Variants in ACAT1 observed in about 807,000 individuals in gnomAD.
ACAT1 encodes acetyl-CoA acetyltransferase 1, also known as acetyl-CoA acetyltransferase, mitochondrial.
In ACAT1, 28 loss-of-function variants were observed where a neutral mutation model predicts 47.3. The ratio of observed to expected loss-of-function variants is 0.59; its 90% CI spans 0.44 to 0.81. The LOEUF (loss-of-function observed/expected upper bound fraction) is 0.81. Among genes scored for constraint, ACAT1 ranks in the 30% least tolerant of loss-of-function variants. The pLI, the probability that ACAT1 is intolerant of heterozygous loss-of-function variation, is 0.00. For synonymous variants in ACAT1, 181 were observed against 173.6 expected, an observed-to-expected ratio of 1.04 and a Z score of -0.34; for missense variants, 469 against 524.3, an observed-to-expected ratio of 0.89 and a Z score of 1.03.
intron 7 of ACAT1, among the ~76,000 whole-genome samples, chr11:108,140,497 G>T (rs568572803): frequency 7.2e-5 from 11 of 152,304 alleles, no homozygotes; most frequent in African/African-American, 2.6e-4. Context: ...GGATTTACTA[G>T]AAGGTTACCG....
Position 108,121,643 on chromosome 11 carries a change from C to T in ACAT1, c.37C>T (p.Arg13Cys). ...VLAALLRSGA[R>C]SRSPLLRRLV... ...GGCGGCACTTCTGCGCAGCGGCGCC[C>T]GCAGCCGCAGCCCCCTGCTCCGGAG... The change falls in exon 1 of 12, where the codon CGC (arginine) becomes TGC (cysteine). Residue 13 changes from arginine (R) to cysteine (C), a missense_variant. Coordinates refer to ENST00000265838, the MANE Select transcript of ACAT1 (RefSeq NM_000019.4). 6.5e-7 allele frequency: 1 copy of T among 1,550,218 alleles called. No individual in the cohort carries two copies. The highest frequency in any genetic ancestry group is 8.7e-7 in the Non-Finnish European group (1 of 1,147,444).
chr11:108,142,139 C>A (rs757854342), intron 8 of ACAT1, among the ~76,000 whole-genome samples: 2 of 151,902 alleles, frequency 1.3e-5, no homozygotes, highest in Non-Finnish European at 2.9e-5. Flanking sequence ...AAAGTTAGAC[C>A]CTGGAGACAA....
chr11:108,117,736 T>G (rs915053262), upstream of ACAT1, among the ~76,000 whole-genome samples: 1 of 152,214 alleles, frequency 6.6e-6, no homozygotes, highest in Admixed American at 6.5e-5. Flanking sequence ...TGGAAATGAA[T>G]ATCAAACATC....
chr11:108,132,316 G>A (rs1386052900), intron 2 of ACAT1, among the ~76,000 whole-genome samples: 6 of 152,108 alleles, frequency 3.9e-5, no homozygotes, highest in Non-Finnish European at 8.8e-5. Flanking sequence ...TAGACAAGGA[G>A]GGCCATTACA....
rs1380286662 is a variant in ACAT1 at position 108,145,077 on chromosome 11, C to T, written c.1005+1030C>T. ...ATTATCGCTCACAACAATCAAATTT[C>T]TTCTGTAAAGAAAAAGGGCACTCAC... On this transcript the variant is annotated intron_variant, in intron 10 of 11. Transcript: ENST00000265838. 2.0e-5 allele frequency among the ~76,000 whole-genome samples: 3 copies of T among 152,102 alleles called. No individual in the cohort carries two copies. The East Asian group carries it at 5.8e-4, about 29-fold the overall frequency.
chr11:108,139,814 C>T (rs1286204142), intron 6 of ACAT1, among the ~76,000 whole-genome samples: 3 of 105,826 alleles, frequency 2.8e-5, no homozygotes, highest in Non-Finnish European at 6.5e-5. Context: ...GCACGTGCCC[C>T]CATGCCCGGC....
intron 7 of ACAT1, among the ~76,000 whole-genome samples, chr11:108,140,709 G>C (rs981761698): frequency 6.6e-6 from 1 of 152,202 alleles, no homozygotes; most frequent in African/African-American, 2.4e-5. Flanking sequence ...TCTCAAAAAG[G>C]AGAGACTTTC....
At chr11:108,138,478 C>G (rs2077513969) in intron 5 of ACAT1, among the ~76,000 whole-genome samples, 1 of 150,676 alleles carries the variant, frequency 6.6e-6, no homozygotes, top group African/African-American at 2.4e-5. Context: ...CTCACAGCAA[C>G]CTCTGCCTCC....
Position 108,131,975 on chromosome 11 carries a change from T to C in ACAT1, c.120+21T>C, listed in dbSNP as rs544026596. On this transcript the variant is annotated intron_variant, in intron 2 of 11. Coordinates refer to ENST00000265838, the MANE Select transcript of ACAT1 (RefSeq NM_000019.4). The stretch of plus-strand genomic sequence containing the variant: ...TGAAGGTAAGTAATTTAAATTGTGC[T>C]TTAAAATTTCCAGAATTTAAAGGAA... The C allele has an allele frequency of 1.5e-4, 227 of 1,480,116 alleles. 2 individuals are homozygous for C. The South Asian group carries it at 2.5e-3, about 16-fold the overall frequency. 91.7% of individuals were successfully genotyped at this position (1,480,116 alleles called of 1,614,324 possible).
chr11:108,147,206 A>G, intron 11 of ACAT1, 64 bp from the exon 12 acceptor site: 1 of 1,585,840 alleles, frequency 6.3e-7, no homozygotes, highest in African/African-American at 1.3e-5. Context: ...ATTGGAATAG[A>G]AACATTTTGG....
Position 108,131,896 on chromosome 11 carries a change from T to A in ACAT1, c.73-11T>A. Reference sequence around the variant, plus strand: ...TTTTACATTATAACATTATAAATATTTATATTACAGGAAATAAGATATGTG... The same window carrying A: ...TTTTACATTATAACATTATAAATATATATATTACAGGAAATAAGATATGTG... On this transcript the variant is annotated splice_polypyrimidine_tract_variant and intron_variant, in intron 1 of 11. Transcript: ENST00000265838. The A allele has an allele frequency of 8.0e-7, 1 of 1,250,944 alleles. No individual in the cohort carries two copies. The highest frequency in any genetic ancestry group is 1.1e-6 in the Non-Finnish European group (1 of 880,762). 77.5% of individuals were successfully genotyped at this position (1,250,944 alleles called of 1,614,324 possible).
At chr11:108,125,955 A>T (rs1218119784) in intron 1 of ACAT1, among the ~76,000 whole-genome samples, 1 of 151,844 alleles carries the variant, frequency 6.6e-6, no homozygotes, top group Non-Finnish European at 1.5e-5. Flanking sequence ...GACATGAAGA[A>T]TAAAAATGAG....
chr11:108,146,225 A>G lies in ACAT1; in HGVS notation c.1029A>G (p.Lys343=), dbSNP rs763001817. The G allele has an allele frequency of 1.2e-6, 2 of 1,613,236 alleles. No homozygotes were observed. The highest frequency in any genetic ancestry group is 2.2e-5 in the South Asian group (2 of 91,044). ...AGGTTCTTAAAGATGTGGGATTGAA[A>G]AAAGAAGATATTGCAATGTGGGAAG... The part of the protein sequence containing the change: ...ASMVLKDVGL[K]KEDIAMWEVN... The change falls in exon 11 of 12, where the codon AAA becomes AAG. Residue 343 remains lysine (K), a synonymous_variant. Coordinates refer to ENST00000265838, the MANE Select transcript of ACAT1 (RefSeq NM_000019.4).
At position 108,147,312 on chromosome 11, in the gene ACAT1, G is replaced by C. The variant is rs2077738712; in HGVS notation, c.1206G>C (p.Leu402Phe). 3 of 1,613,934 alleles carry C rather than the reference G, an allele frequency of 1.9e-6. No homozygotes were observed. The highest frequency in any genetic ancestry group is 2.5e-6 in the Non-Finnish European group (3 of 1,179,924). The part of the protein sequence containing the change: ...ARIVGHLTHA[L>F]KQGEYGLASI... Reference sequence around the variant, plus strand: ...TTGTTGGTCATTTGACTCATGCCTTGAAGCAAGGAGAATACGGTCTTGCCA... The same window carrying C: ...TTGTTGGTCATTTGACTCATGCCTTCAAGCAAGGAGAATACGGTCTTGCCA... Residue 402 changes from leucine (L) to phenylalanine (F), a missense_variant, in exon 12 of 12, where the codon TTG (leucine) becomes TTC (phenylalanine). By Grantham distance (22) the Leu-to-Phe change is conservative. Transcript: ENST00000265838.
chr11:108,138,409 T>C (rs1229082040), intron 5 of ACAT1, among the ~76,000 whole-genome samples: 1 of 150,776 alleles, frequency 6.6e-6, no homozygotes, highest in African/African-American at 2.4e-5. Context: ...CTTTTTTTTT[T>C]TTTCTTTTGA....
At position 108,142,435 on chromosome 11, in the gene ACAT1, A is replaced by G; in HGVS notation, c.827-2A>G. ...TGACTTCAACCTCATTTTTGCTTTC[A>G]GGCACAGTAACAGCTGCCAATGCCA... On this transcript the variant is annotated splice_acceptor_variant, in intron 8 of 11. Transcript: ENST00000265838. LOFTEE classifies it high-confidence loss of function. 6.2e-7 allele frequency: 1 copy of G among 1,613,196 alleles called. No homozygotes were observed. The highest frequency in any genetic ancestry group is 8.5e-7 in the Non-Finnish European group (1 of 1,179,262).
At chr11:108,138,233 C>A (rs1258490349) in intron 5 of ACAT1, among the ~76,000 whole-genome samples, 2 of 152,010 alleles carry the variant, frequency 1.3e-5, no homozygotes, top group Non-Finnish European at 2.9e-5. Context: ...GATCAGCCCG[C>A]TTTGGCCTCC....
Position 108,139,972 on chromosome 11 carries a change from C to T in ACAT1, c.580-93C>T, listed in dbSNP as rs2077554264. ...GGCCTAAGAAATATATTTTAAGAAA[C>T]GTTAACTATTAAACACTATAAGTTA... On this transcript the variant is annotated intron_variant, in intron 6 of 11. Transcript: ENST00000265838. The T allele has an allele frequency of 5.4e-5, 77 of 1,431,214 alleles. 1 individual carries two copies. The South Asian group carries it at 7.9e-4, about 15-fold the overall frequency. 88.7% of individuals were successfully genotyped at this position (1,431,214 alleles called of 1,614,324 possible). A position where few individuals can be genotyped will look rare whatever the true frequency, so the allele number is the denominator to read the frequency against.
At chr11:108,117,561 G>T (rs373110270), upstream of ACAT1, among the ~76,000 whole-genome samples, 9 of 151,938 alleles carry the variant, frequency 5.9e-5, no homozygotes, top group East Asian at 1.4e-3. Context: ...TGCCCTCCTT[G>T]GCCTCCCAAA....
Sources: gnomAD v4.1 joint callset for allele counts (sites outside exome capture counted in the v4.1 genomes callset) on GRCh38, gnomAD v4.1.1 for gene constraint, MANE v1.5 for transcripts, NCBI Gene and HGNC (gene_info 2026-07-23, HGNC 2026-07-21) for gene names.